Variants in MRPL48 observed in about 807,000 individuals in gnomAD.
MRPL48 encodes large ribosomal subunit protein mL48.
MRPL48 carries 16 observed loss-of-function variants against 32.9 expected under a neutral mutation model. The observed-to-expected ratio is 0.49, with a 90% confidence interval of 0.33 to 0.74. MRPL48 has a LOEUF of 0.74. Ranked by LOEUF, MRPL48 falls within the 30% of genes least tolerant of loss-of-function variation. The pLI is 0.02. For missense variants in MRPL48, 206 were observed against 245.3 expected, an observed-to-expected ratio of 0.84 and a Z score of 1.07; for synonymous variants, 94 against 89.2, an observed-to-expected ratio of 1.05 and a Z score of -0.31.
intron 5 of MRPL48, among the ~76,000 whole-genome samples, chr11:73,858,135 C>G (rs1948518423): frequency 6.6e-6 from 1 of 152,244 alleles, no homozygotes. Context: ...CTTGAACATC[C>G]ATAAGAAGTC....
chr11:73,821,914 T>C lies in MRPL48; in HGVS notation c.113-3794T>C, dbSNP rs147300515. ...TAGGTAATAATAAATATTTGTTGAA[T>C]GGATGATCATACTTTGGAGAGTTCA... On this transcript the variant is annotated intron_variant, in intron 3 of 7. Transcript: ENST00000310614. 3.9e-5 allele frequency among the ~76,000 whole-genome samples: 6 copies of C among 152,342 alleles called. No individual in the cohort carries two copies. The East Asian group carries it at 1.2e-3, about 29-fold the overall frequency.
chr11:73,841,948 T>G lies in MRPL48; in HGVS notation c.202-2859T>G, dbSNP rs560036928. ...AATGATACTAGTTTTTGGGGGGGGGTTTGTTTTTATTTTTGTTTTTGAGAC... is the reference window on the plus strand; with the variant it reads ...AATGATACTAGTTTTTGGGGGGGGGGTTGTTTTTATTTTTGTTTTTGAGAC... On this transcript the variant is annotated intron_variant, in intron 4 of 7. Transcript: ENST00000310614. Among the ~76,000 whole-genome samples the G allele has an allele frequency of 2.6e-3, 384 of 149,022 alleles. 2 individuals carry two copies. The highest frequency in any genetic ancestry group is 5.3e-3 in the African/African-American group (214 of 40,404).
intron 1 of MRPL48, 94 bp from the exon 2 acceptor site, chr11:73,804,933 G>A (rs1431109041): frequency 8.5e-7 from 1 of 1,180,680 alleles, no homozygotes; most frequent in Non-Finnish European, 1.2e-6. Flanking sequence ...TCCTTTTCTG[G>A]TTTGTGTACT....
At chr11:73,814,960 C>T (rs542778376) in intron 3 of MRPL48, among the ~76,000 whole-genome samples, 23 of 151,220 alleles carry the variant, frequency 1.5e-4, no homozygotes, top group African/African-American at 5.3e-4. Context: ...TGCCACTGCA[C>T]GTCAGCCAGG....
chr11:73,817,722 AC>A, intron 3 of MRPL48: 3 of 261,818 alleles, frequency 1.1e-5, no homozygotes, highest in Non-Finnish European at 7.8e-6. Context: ...ATGTTGGCTC[AC>A]CAGGATAATT....
intron 2 of MRPL48, 147 bp downstream of exon 2, chr11:73,805,226 G>T: frequency 3.4e-6 from 2 of 595,974 alleles, no homozygotes; most frequent in South Asian, 2.7e-5. Flanking sequence ...CCCATTCTCA[G>T]TTAATAGCAT....
At chr11:73,793,644 A>G (rs1375537948) in intron 1 of MRPL48, among the ~76,000 whole-genome samples, 1 of 152,088 alleles carries the variant, frequency 6.6e-6, no homozygotes, top group African/African-American at 2.4e-5. Context: ...CTCCTAGAGG[A>G]AGTTGGGAGG....
At chr11:73,859,885 A>G in intron 5 of MRPL48, 22 bp from the exon 6 acceptor site, 2 of 1,606,936 alleles carry the variant, frequency 1.2e-6, no homozygotes, top group South Asian at 1.1e-5. Flanking sequence ...CACTCACTAT[A>G]GCTGACTCTT....
chr11:73,818,909 G>T (rs1792157), intron 3 of MRPL48, among the ~76,000 whole-genome samples: 12,902 of 152,172 alleles, frequency 0.085, 720 homozygotes, highest in African/African-American at 0.16. Context: ...TCTTATAATT[G>T]TGATAATTGA....
chr11:73,811,150 G>T (rs1199751351), intron 3 of MRPL48, among the ~76,000 whole-genome samples: 1 of 152,198 alleles, frequency 6.6e-6, no homozygotes, highest in Non-Finnish European at 1.5e-5. Flanking sequence ...TTTCAAGAAG[G>T]AAAGAGTGGC....
At chr11:73,803,586 G>A (rs905422359) in intron 1 of MRPL48, among the ~76,000 whole-genome samples, 6 of 151,742 alleles carry the variant, frequency 4.0e-5, no homozygotes, top group East Asian at 1.9e-4. Flanking sequence ...CGTCTTTTCC[G>A]TAGGCTCCTC....
intron 1 of MRPL48, among the ~76,000 whole-genome samples, chr11:73,799,519 G>A (rs1477978431): frequency 2.0e-5 from 3 of 152,170 alleles, no homozygotes; most frequent in African/African-American, 7.2e-5. Flanking sequence ...TATTAGTTGT[G>A]TGCATTAGGC....
At chr11:73,843,882 C>A (rs555125321) in intron 4 of MRPL48, among the ~76,000 whole-genome samples, 71 of 151,912 alleles carry the variant, frequency 4.7e-4, no homozygotes, top group Non-Finnish European at 4.3e-4. Context: ...AGTTCGAGAC[C>A]AGTCTGGCCA....
chr11:73,817,013 A>T (rs199573386), intron 3 of MRPL48, among the ~76,000 whole-genome samples: 1 of 146,366 alleles, frequency 6.8e-6, no homozygotes, highest in South Asian at 2.2e-4. Context: ...ATTTTTTTTA[A>T]TAGAGACGGG....
intron 5 of MRPL48, among the ~76,000 whole-genome samples, chr11:73,855,059 A>G (rs1366542218): frequency 6.6e-6 from 1 of 152,154 alleles, no homozygotes; most frequent in Non-Finnish European, 1.5e-5. Context: ...TGTACATAGA[A>G]CTATGTCCAG....
intron 3 of MRPL48, among the ~76,000 whole-genome samples, chr11:73,811,940 C>T (rs1947574106): frequency 6.6e-6 from 1 of 152,102 alleles, no homozygotes. Context: ...CAGACAAGTG[C>T]AATGGCGAGA....
intron 3 of MRPL48, among the ~76,000 whole-genome samples, chr11:73,815,858 G>A (rs1947656963): frequency 6.6e-6 from 1 of 150,934 alleles, no homozygotes; most frequent in Non-Finnish European, 1.5e-5. Context: ...TCAGTAGCTG[G>A]GACTGAAGGC....
In MRPL48 at chr11:73,787,969, AG is replaced by A; in HGVS notation, c.-1del. On this transcript the variant is annotated 5_prime_UTR_variant, in exon 1 of 8. Transcript: ENST00000310614. ...ACAGCTAGAGGCCGCGCAGCAGCAA[AG>A]GATGAGCGGAACCTTGGAAAAGGTA... 6.2e-7 allele frequency: 1 copy of A among 1,612,948 alleles called. No homozygotes were observed. The highest frequency in any genetic ancestry group is 8.5e-7 in the Non-Finnish European group (1 of 1,179,496).
intron 3 of MRPL48, among the ~76,000 whole-genome samples, chr11:73,810,924 A>G (rs1947555691): frequency 6.6e-6 from 1 of 152,204 alleles, no homozygotes; most frequent in African/African-American, 2.4e-5. Context: ...AACTATAAAT[A>G]TGAAAGTCAT....
Sources: gnomAD v4.1 joint callset for allele counts (sites outside exome capture counted in the v4.1 genomes callset) on GRCh38, gnomAD v4.1.1 for gene constraint, MANE v1.5 for transcripts, NCBI Gene and HGNC (gene_info 2026-07-23, HGNC 2026-07-21) for gene names.